SUPT3H: variants seen among roughly 807,000 people sequenced by gnomAD.
SUPT3H encodes transcription initiation protein SPT3 homolog.
A neutral mutation model predicts 44.3 loss-of-function variants in SUPT3H; 44 were observed. The ratio of observed to expected loss-of-function variants is 0.99; its 90% CI spans 0.78 to 1.28. The LOEUF (loss-of-function observed/expected upper bound fraction) is 1.28. SUPT3H is among the 50% of genes most tolerant of loss of function. The probability of loss-of-function intolerance (pLI) is 0.00; values close to 1 mark genes in which losing one functional copy is unlikely to be tolerated. For synonymous variants in SUPT3H, 124 were observed against 125.6 expected, an observed-to-expected ratio of 0.99 and a Z score of 0.09; for missense variants, 380 against 387.1, an observed-to-expected ratio of 0.98 and a Z score of 0.15.
intron 2 of SUPT3H, among the ~76,000 whole-genome samples, chr6:45,136,687 C>G (rs1339412170): frequency 6.6e-6 from 1 of 151,164 alleles, no homozygotes. Flanking sequence ...AATAGCAGAA[C>G]TGAGCTGTCA....
chr6:44,813,196 GTTTC>G (rs1463658036), intron 11 of SUPT3H, among the ~76,000 whole-genome samples: 1 of 152,120 alleles, frequency 6.6e-6, no homozygotes, highest in South Asian at 2.1e-4. Context: ...ACCATCCAGA[GTTTC>G]TTTAAGACAA....
intron 2 of SUPT3H, among the ~76,000 whole-genome samples, chr6:45,203,664 C>T (rs1160401166): frequency 6.6e-6 from 1 of 152,202 alleles, no homozygotes; most frequent in Non-Finnish European, 1.5e-5. Flanking sequence ...ACATGTGTTG[C>T]TGTGGTCCTA....
intron 10 of SUPT3H, among the ~76,000 whole-genome samples, chr6:44,915,237 G>T (rs967780678): frequency 6.6e-6 from 1 of 152,132 alleles, no homozygotes; most frequent in Non-Finnish European, 1.5e-5. Context: ...CCACTGGGGA[G>T]AAAGAAACAC....
chr6:45,329,854 C>T (rs1329529078), intron 2 of SUPT3H, among the ~76,000 whole-genome samples: 2 of 151,884 alleles, frequency 1.3e-5, no homozygotes, highest in Admixed American at 1.3e-4. Context: ...TTATGATCTC[C>T]AACATGTTCC....
chr6:45,004,508 T>C (rs1463811602), intron 5 of SUPT3H, among the ~76,000 whole-genome samples: 1 of 151,942 alleles, frequency 6.6e-6, no homozygotes, highest in Non-Finnish European at 1.5e-5. Flanking sequence ...ATCTTTTTCT[T>C]CATTTTTATC....
chr6:45,015,695 G>A (rs572323142), intron 4 of SUPT3H, among the ~76,000 whole-genome samples: 2 of 151,632 alleles, frequency 1.3e-5, no homozygotes, highest in Admixed American at 6.6e-5. Flanking sequence ...GTACAAAAAC[G>A]TTTTTCCTTT....
chr6:45,271,845 G>A (rs1474510751), intron 2 of SUPT3H, among the ~76,000 whole-genome samples: 1 of 152,136 alleles, frequency 6.6e-6, no homozygotes, highest in African/African-American at 2.4e-5. Flanking sequence ...TGCAAACAGA[G>A]GGGCAAAGCT....
intron 6 of SUPT3H, among the ~76,000 whole-genome samples, chr6:44,999,032 C>T (rs566536155): frequency 1.1e-4 from 17 of 151,478 alleles, no homozygotes; most frequent in Middle Eastern, 3.4e-3. Context: ...GATTTTTTTT[C>T]CCTTTTTAAT....
intron 10 of SUPT3H, among the ~76,000 whole-genome samples, chr6:44,904,500 C>T (rs1765651703): frequency 6.6e-6 from 1 of 152,148 alleles, no homozygotes; most frequent in South Asian, 2.1e-4. Flanking sequence ...GTACAAACCA[C>T]TGCTCAAAGA....
intron 3 of SUPT3H, among the ~76,000 whole-genome samples, chr6:45,029,646 TAA>T (rs1379314811): frequency 1.3e-5 from 2 of 152,178 alleles, no homozygotes; most frequent in Admixed American, 1.3e-4. Context: ...TAAATATATC[TAA>T]GTTTTGAATG....
intron 6 of SUPT3H, among the ~76,000 whole-genome samples, chr6:44,997,170 G>A (rs1477291115): frequency 6.6e-6 from 1 of 151,644 alleles, no homozygotes; most frequent in Non-Finnish European, 1.5e-5. Flanking sequence ...TATAACTTCA[G>A]ATGAAGTCTA....
intron 3 of SUPT3H, among the ~76,000 whole-genome samples, chr6:45,057,507 A>G (rs1791318086): frequency 6.6e-6 from 1 of 152,148 alleles, no homozygotes; most frequent in Admixed American, 6.6e-5. Flanking sequence ...CAAAAAAACA[A>G]AACAAAAAAA....
At chr6:45,284,172 T>C (rs1410583479) in intron 2 of SUPT3H, among the ~76,000 whole-genome samples, 6 of 151,914 alleles carry the variant, frequency 3.9e-5, no homozygotes, top group Non-Finnish European at 8.8e-5. Context: ...CCTAACATCA[T>C]AATTAAAACA....
At chr6:45,278,294 TA>T (rs1232574272) in intron 2 of SUPT3H, among the ~76,000 whole-genome samples, 3 of 150,922 alleles carry the variant, frequency 2.0e-5, no homozygotes, top group Non-Finnish European at 4.4e-5. Context: ...AAGTATAATT[TA>T]AAAAAAAAGA....
At chr6:45,075,436 C>A (rs932623318) in intron 3 of SUPT3H, among the ~76,000 whole-genome samples, 5 of 152,088 alleles carry the variant, frequency 3.3e-5, no homozygotes, top group Non-Finnish European at 5.9e-5. Flanking sequence ...TCCAACACAA[C>A]AGTATTAATC....
intron 1 of SUPT3H, among the ~76,000 whole-genome samples, chr6:45,372,256 T>A (rs1796170361): frequency 6.6e-6 from 1 of 152,210 alleles, no homozygotes. Flanking sequence ...AAATTACTTC[T>A]CTTATAGGTT....
chr6:45,253,006 T>C (rs1772650269), intron 2 of SUPT3H, among the ~76,000 whole-genome samples: 1 of 151,950 alleles, frequency 6.6e-6, no homozygotes, highest in Non-Finnish European at 1.5e-5. Context: ...GATGACTTAA[T>C]ACTAACCTTA....
chr6:45,062,390 C>T (rs1374078281), intron 3 of SUPT3H, among the ~76,000 whole-genome samples: 3 of 152,112 alleles, frequency 2.0e-5, no homozygotes, highest in East Asian at 1.9e-4. Context: ...AATATTACAG[C>T]CAAGACACAC....
At chr6:45,339,157 G>C (rs1411511126) in intron 2 of SUPT3H, among the ~76,000 whole-genome samples, 2 of 151,938 alleles carry the variant, frequency 1.3e-5, no homozygotes, top group Admixed American at 1.3e-4. Context: ...TTGACTATAA[G>C]GCTTTAAGAA....
Sources: gnomAD v4.1 joint callset for allele counts (sites outside exome capture counted in the v4.1 genomes callset) on GRCh38, gnomAD v4.1.1 for gene constraint, MANE v1.5 for transcripts, NCBI Gene and HGNC (gene_info 2026-07-23, HGNC 2026-07-21) for gene names.